GRIK4: variants seen among roughly 807,000 people sequenced by gnomAD.
GRIK4 encodes glutamate receptor ionotropic, kainate 4.
In GRIK4, 40 loss-of-function variants were observed where a neutral mutation model predicts 104.9. The observed-to-expected ratio is 0.38, with a 90% CI of 0.30 to 0.50. The LOEUF (loss-of-function observed/expected upper bound fraction) is 0.50. Among genes scored for constraint, GRIK4 ranks in the 20% least tolerant of loss-of-function variants. GRIK4 has a pLI of 0.93. For missense variants in GRIK4, 1,047 were observed against 1,308.1 expected (o/e 0.80, Z 3.08); for synonymous variants, 485 against 524.9 (o/e 0.92, Z 1.04).
rs1943666855 is a variant in GRIK4 at position 120,939,291 on chromosome 11, T to C, written c.1477-1056T>C. On this transcript the variant is annotated intron_variant, in intron 13 of 20. Coordinates refer to ENST00000527524, the MANE Select transcript of GRIK4 (RefSeq NM_014619.5). This position sits in a 1 kb window ranked among gnomAD's most constrained non-coding sequence, Gnocchi z 5.6. ...GGGTTTAATTCAGGGCTAACTCTCA[T>C]CAGATGTGGGCACTTGAGGTACAGT... 6.6e-6 allele frequency among the ~76,000 whole-genome samples: 1 copy of C among 152,210 alleles called. No individual in the cohort carries two copies. The highest frequency in any genetic ancestry group is 2.4e-5 in the African/African-American group (1 of 41,456).
At chr11:120,799,147 T>C (rs1411665146) in intron 3 of GRIK4, among the ~76,000 whole-genome samples, 1 of 152,206 alleles carries the variant, frequency 6.6e-6, no homozygotes, top group Non-Finnish European at 1.5e-5. Flanking sequence ...GGGGACATGC[T>C]CATTTTCTGA....
chr11:120,824,480 A>G (rs1442075759), intron 6 of GRIK4, among the ~76,000 whole-genome samples: 2 of 151,214 alleles, frequency 1.3e-5, no homozygotes. Context: ...CAGGTATAAC[A>G]TGCCGTGTAT....
intron 3 of GRIK4, among the ~76,000 whole-genome samples, chr11:120,781,223 G>A (rs1344519454): frequency 1.3e-5 from 2 of 151,320 alleles, no homozygotes; most frequent in Non-Finnish European, 2.9e-5. Flanking sequence ...TAATGGGTGT[G>A]AGGTGAAAAG....
intron 11 of GRIK4, among the ~76,000 whole-genome samples, chr11:120,875,560 A>G (rs915198964): frequency 7.2e-5 from 11 of 152,278 alleles, no homozygotes; most frequent in Admixed American, 6.5e-4. Flanking sequence ...CCTGGAGCCC[A>G]TTTAGACTCC....
At chr11:120,874,761 C>A (rs1388314131) in intron 10 of GRIK4, among the ~76,000 whole-genome samples, 5 of 152,188 alleles carry the variant, frequency 3.3e-5, no homozygotes, top group Non-Finnish European at 5.9e-5. Context: ...GGAGAGTCAT[C>A]CTGACTTCCT....
chr11:120,629,217 G>C (rs748489958), intron 1 of GRIK4, among the ~76,000 whole-genome samples: 1 of 152,264 alleles, frequency 6.6e-6, no homozygotes, highest in Admixed American at 6.5e-5. Context: ...ATAGGGCAGT[G>C]GTTGATGATC....
intron 1 of GRIK4, among the ~76,000 whole-genome samples, chr11:120,596,019 G>A (rs1056541972): frequency 4.6e-5 from 7 of 152,082 alleles, no homozygotes; most frequent in African/African-American, 1.7e-4. Context: ...GCTAATTTTT[G>A]TATTTTTAGT....
At chr11:120,979,272 C>A (rs1007838614) in intron 19 of GRIK4, among the ~76,000 whole-genome samples, 2 of 152,192 alleles carry the variant, frequency 1.3e-5, no homozygotes, top group African/African-American at 4.8e-5. Context: ...GTAAAAACTT[C>A]ATTACATGTA....
rs184584467 is a variant in GRIK4, at chr11:120,906,191, A to G, written c.1476+698A>G. 4.6e-5 allele frequency among the ~76,000 whole-genome samples: 7 copies of G among 152,360 alleles called. No homozygotes were observed. In the East Asian group the frequency reaches 1.2e-3, roughly 25 times the overall value. Reference sequence around the variant, plus strand: ...ATCTCTTGTTTTCTTTGTACACACTATTAACAACTGTAAAAATTAATTAAG... The same window carrying G: ...ATCTCTTGTTTTCTTTGTACACACTGTTAACAACTGTAAAAATTAATTAAG... On this transcript the variant is annotated intron_variant, in intron 13 of 20. Transcript: ENST00000527524.
chr11:120,547,641 C>CACTTG (rs1948098713), intron 1 of GRIK4, among the ~76,000 whole-genome samples: 2 of 151,318 alleles, frequency 1.3e-5, no homozygotes, highest in South Asian at 4.2e-4. Context: ...TCCATGGAAA[C>CACTTG]GTCTGACATG....
rs145404072 is a variant in GRIK4 at position 120,598,557 on chromosome 11, A to G, written c.-158-55128A>G. Among the ~76,000 whole-genome samples the G allele has an allele frequency of 2.0e-3, 305 of 152,332 alleles. 1 individual carries two copies. Among genetic ancestry groups the G allele is most frequent in the Admixed American group, 0.016 (246 of 15,308 alleles). ...TCTCCCCAAAACTTAGTGGCTCAAG[A>G]CAATGAACTTGACTATTATTGATGG... is the stretch of plus-strand genomic sequence containing the variant. On this transcript the variant is annotated intron_variant, in intron 1 of 20. Transcript: ENST00000527524.
Position 120,956,932 on chromosome 11 carries a change from C to T in GRIK4, c.1853C>T (p.Thr618Ile), listed in dbSNP as rs1022130820. ...ACCATCGCCCCTCGCGCCTTATCCA[C>T]CCGCTGTGTCAGTGGCGTCTGGTAA... ...GSTIAPRALS[T>I]RCVSGVWWAF... Residue 618 changes from threonine (T) to isoleucine (I), a missense_variant, in exon 16 of 21, where the codon ACC (threonine) becomes ATC (isoleucine). Transcript: ENST00000527524. This position sits in a 1 kb window ranked among gnomAD's most constrained non-coding sequence, Gnocchi z 4.6. 1 of 1,611,070 alleles carries T rather than the reference C, an allele frequency of 6.2e-7. No individual in the cohort carries two copies. The highest frequency in any genetic ancestry group is 8.5e-7 in the Non-Finnish European group (1 of 1,178,516).
chr11:120,934,407 G>A (rs533200823), intron 13 of GRIK4, among the ~76,000 whole-genome samples: 5 of 152,184 alleles, frequency 3.3e-5, no homozygotes, highest in Admixed American at 6.5e-5. Flanking sequence ...CAGGAAGCCC[G>A]GAGTGGGAGC....
intron 1 of GRIK4, among the ~76,000 whole-genome samples, chr11:120,560,556 C>G (rs1948228982): frequency 6.6e-6 from 1 of 152,134 alleles, no homozygotes; most frequent in East Asian, 1.9e-4. Flanking sequence ...GACTTATATA[C>G]AAGTCTGGGA....
chr11:120,825,369 C>T (rs906575284), intron 6 of GRIK4, among the ~76,000 whole-genome samples: 6 of 152,202 alleles, frequency 3.9e-5, no homozygotes, highest in African/African-American at 1.4e-4. Flanking sequence ...AGTGAAACCT[C>T]GCTCCCGGGA....
In GRIK4 at chr11:120,889,588, CATTTTTT is replaced by C. The variant is rs1212541961; in HGVS notation, c.1165-8943_1165-8937del. The stretch of plus-strand genomic sequence containing the variant: ...AATAGAATAAAATAGAAAGAGCTTA[CATTTTTT>C]TTTTTTTTTTTTTTTTTTTTTTTTA... On this transcript the variant is annotated intron_variant, in intron 11 of 20. Coordinates refer to ENST00000527524, the MANE Select transcript of GRIK4 (RefSeq NM_014619.5). Among the ~76,000 whole-genome samples, 58 of 67,148 alleles carry C rather than the reference CATTTTTT, an allele frequency of 8.6e-4. 2 individuals carry two copies. The East Asian group carries it at 0.024, about 28-fold the overall frequency. 44.1% of individuals were successfully genotyped at this position (67,148 alleles called of 152,430 possible). A position where few individuals can be genotyped will look rare whatever the true frequency, so the allele number is the denominator to read the frequency against.
intron 1 of GRIK4, among the ~76,000 whole-genome samples, chr11:120,636,217 GT>G (rs1949394826): frequency 6.6e-6 from 1 of 152,198 alleles, no homozygotes; most frequent in Admixed American, 6.5e-5. Flanking sequence ...TGCTTTAAAT[GT>G]TCTTGGCCAT....
chr11:120,834,331 G>A (rs1022808762), intron 7 of GRIK4, among the ~76,000 whole-genome samples: 2 of 150,776 alleles, frequency 1.3e-5, no homozygotes, highest in East Asian at 3.9e-4. Flanking sequence ...TCTGCCTGTA[G>A]TGTAGTGATC....
chr11:120,898,881 A>C (rs564369891), intron 12 of GRIK4, among the ~76,000 whole-genome samples: 11 of 152,218 alleles, frequency 7.2e-5, no homozygotes, highest in African/African-American at 2.2e-4. Flanking sequence ...TGCCTCTTGG[A>C]GGCACCCTGT....
Sources: gnomAD v4.1 joint callset for allele counts (sites outside exome capture counted in the v4.1 genomes callset) on GRCh38, gnomAD v4.1.1 for gene constraint, Gnocchi (gnomAD v3.1) non-coding constraint, MANE v1.5 for transcripts, NCBI Gene and HGNC (gene_info 2026-07-23, HGNC 2026-07-21) for gene names.